Variants in SLIT3 observed in about 807,000 individuals in gnomAD.
SLIT3 encodes the protein slit homolog 3 protein.
In SLIT3, 68 loss-of-function variants were observed where a neutral mutation model predicts 184.0. That is an observed-to-expected ratio of 0.37 (90% CI 0.30 to 0.45). The LOEUF (loss-of-function observed/expected upper bound fraction) is 0.45. Ranked by LOEUF, SLIT3 falls within the 20% of genes least tolerant of loss-of-function variation. The pLI, the probability that SLIT3 is intolerant of heterozygous loss-of-function variation, is 1.00. For synonymous variants in SLIT3, 831 were observed against 828.6 expected (o/e 1.00, Z -0.05); for missense variants, 1,707 against 2,026.0 (o/e 0.84, Z 3.02).
chr5:168,766,076 C>T (rs1755334908), intron 14 of SLIT3, among the ~76,000 whole-genome samples: 1 of 152,160 alleles, frequency 6.6e-6, no homozygotes, highest in African/African-American at 2.4e-5. Context: ...TTTGAATGGA[C>T]TTGGCTGGGT....
chr5:168,910,170 G>A (rs1478475841), intron 4 of SLIT3, among the ~76,000 whole-genome samples: 1 of 152,192 alleles, frequency 6.6e-6, no homozygotes, highest in Non-Finnish European at 1.5e-5. Context: ...TTCTCTGGCT[G>A]ATTCAGGCTA....
chr5:169,274,642 A>C (rs997462269), intron 1 of SLIT3, among the ~76,000 whole-genome samples: 1 of 152,206 alleles, frequency 6.6e-6, no homozygotes, highest in Non-Finnish European at 1.5e-5. Flanking sequence ...AAAAGCAACA[A>C]TCTCTGGGCA....
chr5:168,779,085 C>T (rs1026859693), intron 12 of SLIT3, among the ~76,000 whole-genome samples: 9 of 152,232 alleles, frequency 5.9e-5, no homozygotes, highest in Non-Finnish European at 2.9e-5. Flanking sequence ...ATATTACACA[C>T]TTCACAAGGC....
intron 4 of SLIT3, among the ~76,000 whole-genome samples, chr5:169,046,348 T>C (rs1434749547): frequency 6.6e-6 from 1 of 152,046 alleles, no homozygotes; most frequent in East Asian, 1.9e-4. Context: ...CATTCCTAAA[T>C]TAACACAAGA....
At chr5:168,940,054 C>G (rs78593780) in intron 4 of SLIT3, among the ~76,000 whole-genome samples, 4,091 of 152,040 alleles carry the variant, frequency 0.027, 133 homozygotes, top group East Asian at 0.13. Flanking sequence ...GTAATACAGT[C>G]GGGGAGGATA....
intron 1 of SLIT3, among the ~76,000 whole-genome samples, chr5:169,268,723 G>A (rs528964781): frequency 1.3e-5 from 2 of 152,320 alleles, no homozygotes; most frequent in Admixed American, 1.3e-4. Flanking sequence ...AGCAGCACTT[G>A]CAGAACCTCA....
At chr5:169,231,306 T>TAC (rs1246900510) in intron 3 of SLIT3, among the ~76,000 whole-genome samples, 1 of 152,204 alleles carries the variant, frequency 6.6e-6, no homozygotes, top group African/African-American at 2.4e-5. Flanking sequence ...ATGAAACCTC[T>TAC]ACCCAGATCA....
chr5:169,279,400 T>C (rs1766921652), intron 1 of SLIT3, among the ~76,000 whole-genome samples: 1 of 152,164 alleles, frequency 6.6e-6, no homozygotes, highest in Admixed American at 6.5e-5. Context: ...TAGGCAGTGT[T>C]AGCCCCATTT....
At chr5:169,215,414 T>C (rs937551242) in intron 3 of SLIT3, among the ~76,000 whole-genome samples, 1 of 152,238 alleles carries the variant, frequency 6.6e-6, no homozygotes, top group African/African-American at 2.4e-5. Context: ...TAATTTTCTA[T>C]TTATTTGTTT....
chr5:169,201,525 T>C (rs1432843034), intron 3 of SLIT3, among the ~76,000 whole-genome samples: 1 of 152,204 alleles, frequency 6.6e-6, no homozygotes, highest in Non-Finnish European at 1.5e-5. Flanking sequence ...TCAGTATAAT[T>C]GTCCCTAGAT....
At chr5:168,741,308 A>G (rs1394929622) in intron 20 of SLIT3, among the ~76,000 whole-genome samples, 1 of 151,688 alleles carries the variant, frequency 6.6e-6, no homozygotes, top group Non-Finnish European at 1.5e-5. Flanking sequence ...GTCTCTACTA[A>G]AAAATACAAA....
Position 169,108,841 on chromosome 5 carries a change from A to G in SLIT3, c.413+84638T>C, listed in dbSNP as rs904371952. Among the ~76,000 whole-genome samples, 4 of 152,176 alleles carry G rather than the reference A, an allele frequency of 2.6e-5. No individual in the cohort carries two copies. In the South Asian group the frequency reaches 8.3e-4, roughly 32 times the overall value. ...TCCACTGTGTTCTCAGCACTAAAAC[A>G]TTGCCTAGCACAGAGTGGGTACTCT... On this transcript the variant is annotated intron_variant, in intron 4 of 35. Transcript: ENST00000519560.
chr5:168,828,662 A>AAAAAAAAG (rs1757779460), intron 6 of SLIT3, among the ~76,000 whole-genome samples: 1 of 150,258 alleles, frequency 6.7e-6, no homozygotes, highest in Non-Finnish European at 1.5e-5. Flanking sequence ...CTGACTCAAA[A>AAAAAAAAG]AAAAAAAAGA....
At chr5:169,289,133 A>T (rs1767256958) in intron 1 of SLIT3, among the ~76,000 whole-genome samples, 1 of 152,196 alleles carries the variant, frequency 6.6e-6, no homozygotes, top group African/African-American at 2.4e-5. Context: ...GAGACCGCAA[A>T]GGTACTCAGA....
intron 4 of SLIT3, among the ~76,000 whole-genome samples, chr5:169,097,040 C>G (rs1340379783): frequency 6.6e-6 from 1 of 152,152 alleles, no homozygotes. Flanking sequence ...GGACCATTTC[C>G]CCAGGAATAT....
intron 4 of SLIT3, among the ~76,000 whole-genome samples, chr5:169,114,000 T>C (rs141781112): frequency 1.9e-3 from 286 of 152,252 alleles, no homozygotes; most frequent in African/African-American, 6.3e-3. Context: ...AATGTGTGAG[T>C]GCATGGCACA....
intron 4 of SLIT3, among the ~76,000 whole-genome samples, chr5:169,098,933 A>G (rs536470546): frequency 1.4e-3 from 209 of 152,172 alleles, no homozygotes; most frequent in African/African-American, 4.9e-3. Flanking sequence ...GGCCGGCAGA[A>G]AAAGGCCAAA....
intron 4 of SLIT3, among the ~76,000 whole-genome samples, chr5:169,150,416 A>T (rs1762076179): frequency 6.6e-6 from 1 of 152,156 alleles, no homozygotes; most frequent in Non-Finnish European, 1.5e-5. Flanking sequence ...CATGCAGAAC[A>T]CTTGGGCCTA....
intron 4 of SLIT3, among the ~76,000 whole-genome samples, chr5:169,116,144 T>C (rs1029105469): frequency 6.6e-6 from 1 of 152,082 alleles, no homozygotes; most frequent in Non-Finnish European, 1.5e-5. Flanking sequence ...GCAATAATTA[T>C]TGTTTGGATT....
Sources: allele counts gnomAD v4.1 joint callset (sites outside exome capture counted in the v4.1 genomes callset), GRCh38; gene constraint gnomAD v4.1.1; transcripts MANE v1.5; gene names NCBI Gene and HGNC (gene_info 2026-07-23, HGNC 2026-07-21).